The following EIF4E variants were observed in gnomAD, a reference collection of about 807,000 sequenced individuals.
EIF4E encodes the protein eukaryotic translation initiation factor 4E.
For missense variants in EIF4E, 113 were observed against 265.6 expected (o/e 0.43, Z 3.99); for synonymous variants, 71 against 88.5 (o/e 0.80, Z 1.11).
chr4:98,910,070 C>T, intron 1 of EIF4E: 1 of 271,990 alleles, frequency 3.7e-6, no homozygotes, highest in South Asian at 1.3e-4. Context: ...GAAAAACTGC[C>T]TCAGGCTATT....
At chr4:98,928,179 A>C (rs1721291254) in intron 1 of EIF4E, among the ~76,000 whole-genome samples, 1 of 152,184 alleles carries the variant, frequency 6.6e-6, no homozygotes, top group African/African-American at 2.4e-5. Flanking sequence ...CGTGCGCACT[A>C]CGCGGAAAGG....
At chr4:98,917,367 T>A (rs1725433670) in intron 1 of EIF4E, among the ~76,000 whole-genome samples, 1 of 152,022 alleles carries the variant, frequency 6.6e-6, no homozygotes, top group Non-Finnish European at 1.5e-5. Flanking sequence ...CAAAACAGCC[T>A]CACCAGATAA....
chr4:98,910,947 T>A (rs976900621), intron 1 of EIF4E, among the ~76,000 whole-genome samples: 1 of 152,126 alleles, frequency 6.6e-6, no homozygotes, highest in Non-Finnish European at 1.5e-5. Context: ...GCCCAGCTGG[T>A]CTTGAACTCC....
intron 1 of EIF4E, among the ~76,000 whole-genome samples, chr4:98,927,431 G>A (rs1451474684): frequency 6.6e-6 from 1 of 151,980 alleles, no homozygotes; most frequent in African/African-American, 2.4e-5. Context: ...TGAGGCGGGA[G>A]GATCACTTGA....
chr4:98,891,471 G>A, intron 2 of EIF4E, 139 bp from the exon 3 acceptor site: 1 of 708,830 alleles, frequency 1.4e-6, no homozygotes, highest in Non-Finnish European at 2.4e-6. Flanking sequence ...TACACACAAT[G>A]GAATACTAAA....
intron 1 of EIF4E, among the ~76,000 whole-genome samples, chr4:98,925,421 A>C (rs958217987): frequency 6.6e-6 from 1 of 152,236 alleles, no homozygotes; most frequent in Non-Finnish European, 1.5e-5. Flanking sequence ...ATTTTCACAG[A>C]CTAATATTAA....
intron 2 of EIF4E, among the ~76,000 whole-genome samples, chr4:98,894,542 C>G (rs562900113): frequency 1.4e-4 from 22 of 152,326 alleles, no homozygotes; most frequent in African/African-American, 4.3e-4. Context: ...CCTCTGCCAG[C>G]TTTCAACTTT....
At chr4:98,918,327 C>CT (rs1293717646) in intron 1 of EIF4E, among the ~76,000 whole-genome samples, 1 of 147,940 alleles carries the variant, frequency 6.8e-6, no homozygotes, top group Non-Finnish European at 1.5e-5. Context: ...TGTCACTGCA[C>CT]TCCAGCCTAG....
At chr4:98,923,143 G>A (rs561623753) in intron 1 of EIF4E, among the ~76,000 whole-genome samples, 114 of 150,302 alleles carry the variant, frequency 7.6e-4, no homozygotes, top group African/African-American at 2.2e-3. Flanking sequence ...GAGCCACCAC[G>A]CCCGGCCCAT....
At chr4:98,897,818 C>T (rs1436666470) in intron 2 of EIF4E, among the ~76,000 whole-genome samples, 15 of 152,098 alleles carry the variant, frequency 9.9e-5, no homozygotes, top group African/African-American at 3.4e-4. Context: ...AAATCAAAGA[C>T]GCTTAATGAG....
chr4:98,883,672 C>T (rs751520948), intron 6 of EIF4E, among the ~76,000 whole-genome samples: 1 of 151,536 alleles, frequency 6.6e-6, no homozygotes, highest in Admixed American at 6.6e-5. Flanking sequence ...CAAAGTGCTG[C>T]GATTACAGGT....
chr4:98,922,119 C>T (rs551298042), intron 1 of EIF4E, among the ~76,000 whole-genome samples: 5 of 152,322 alleles, frequency 3.3e-5, no homozygotes, highest in Non-Finnish European at 7.3e-5. Flanking sequence ...AAGCACATTA[C>T]ATGCCTACTT....
At chr4:98,893,639 G>C (rs1032381967) in intron 2 of EIF4E, among the ~76,000 whole-genome samples, 2 of 152,068 alleles carry the variant, frequency 1.3e-5, no homozygotes, top group African/African-American at 4.8e-5. Context: ...ACATCTTCAG[G>C]CTCCATTTCT....
chr4:98,891,354 CA>C (rs1179623382), intron 2 of EIF4E, 22 bp from the exon 3 acceptor site: 2 of 1,600,634 alleles, frequency 1.2e-6, no homozygotes, highest in Non-Finnish European at 1.7e-6. Context: ...AAATCAGTGT[CA>C]AAAAATGGTA....
At chr4:98,923,441 G>T (rs983061758) in intron 1 of EIF4E, among the ~76,000 whole-genome samples, 1 of 151,888 alleles carries the variant, frequency 6.6e-6, no homozygotes, top group African/African-American at 2.4e-5. Flanking sequence ...TCAGCCTCCT[G>T]AGGCTAGGAC....
At chr4:98,920,306 C>CT (rs958184205) in intron 1 of EIF4E, among the ~76,000 whole-genome samples, 1,921 of 145,372 alleles carry the variant, frequency 0.013, 20 homozygotes, top group Non-Finnish European at 0.018. Flanking sequence ...ATTCTTTTTT[C>CT]TTTTTTTTTT....
In EIF4E at chr4:98,901,936, G is replaced by A. The variant is rs772918368; in HGVS notation, c.65C>T (p.Thr22Met). 17 of 1,613,120 alleles carry A rather than the reference G, an allele frequency of 1.1e-5. No individual in the cohort carries two copies. The highest frequency in any genetic ancestry group is 2.2e-5 in the East Asian group (1 of 44,874). Residue 22 changes from threonine to methionine, a missense_variant, in exon 2 of 7, where the codon ACG (threonine) becomes ATG (methionine). Thr to Met is a moderately conservative substitution (Grantham distance 81, BLOSUM62 -1). Coordinates refer to ENST00000450253, the MANE Select transcript of EIF4E (RefSeq NM_001968.5). ...GTTAGCAACCTCCTGATTAGATTCC[G>A]TTTTCTCCTCTTCTGTAGTCGGGGG... is the stretch of plus-strand genomic sequence containing the variant. ...PNPPTTEEEK[T>M]ESNQEVANPE...
At chr4:98,918,736 A>C (rs1725514532) in intron 1 of EIF4E, among the ~76,000 whole-genome samples, 1 of 152,140 alleles carries the variant, frequency 6.6e-6, no homozygotes, top group Non-Finnish European at 1.5e-5. Flanking sequence ...AAGAAGTGAA[A>C]ACTTTATGTG....
chr4:98,885,460 T>C (rs1446257207), intron 5 of EIF4E, among the ~76,000 whole-genome samples: 1 of 152,204 alleles, frequency 6.6e-6, no homozygotes, highest in Non-Finnish European at 1.5e-5. Flanking sequence ...GTTGTTGTTG[T>C]TGTTTGAGAC....
Sources: allele counts gnomAD v4.1 joint callset (sites outside exome capture counted in the v4.1 genomes callset), GRCh38; gene constraint gnomAD v4.1.1; transcripts MANE v1.5; gene names NCBI Gene and HGNC (gene_info 2026-07-23, HGNC 2026-07-21).